The following EIF3H variants were observed in gnomAD, a reference collection of about 807,000 sequenced individuals.
The protein encoded by EIF3H is eIF-3-gamma.
A neutral mutation model predicts 44.2 loss-of-function variants in EIF3H; 26 were observed. The ratio of observed to expected loss-of-function variants is 0.59; its 90% CI spans 0.43 to 0.82. The LOEUF (loss-of-function observed/expected upper bound fraction) is 0.82. Ranked by LOEUF, EIF3H falls within the 40% of genes least tolerant of loss-of-function variation. The pLI, the probability that EIF3H is intolerant of heterozygous loss-of-function variation, is 0.00. For missense variants in EIF3H, 359 were observed against 432.8 expected, an observed-to-expected ratio of 0.83 and a Z score of 1.51; for synonymous variants, 166 against 151.9, an observed-to-expected ratio of 1.09 and a Z score of -0.68.
intron 5 of EIF3H, among the ~76,000 whole-genome samples, chr8:116,649,180 G>GAGCACA (rs1282931880): frequency 6.6e-6 from 1 of 152,146 alleles, no homozygotes; most frequent in African/African-American, 2.4e-5. Context: ...AGGTATGTTA[G>GAGCACA]GGTAGGAACT....
chr8:116,655,309 A>C (rs1383631831), intron 5 of EIF3H, among the ~76,000 whole-genome samples: 1 of 151,098 alleles, frequency 6.6e-6, no homozygotes, highest in East Asian at 1.9e-4. Flanking sequence ...GTCACGGTGG[A>C]GGAAATCGTT....
In EIF3H at chr8:116,752,710, A is replaced by G. The variant is rs891599139; in HGVS notation, c.132+2956T>C. Among the ~76,000 whole-genome samples the G allele has an allele frequency of 2.2e-5, 3 of 137,284 alleles. No homozygotes were observed. In the Admixed American group the frequency reaches 2.2e-4, roughly 10 times the overall value. The allele number at this position is 137,284 out of a possible 152,430, so 90.1% of individuals were successfully genotyped here. A position where few individuals can be genotyped will look rare whatever the true frequency, so the allele number is the denominator to read the frequency against. On this transcript the variant is annotated intron_variant, in intron 1 of 7. Transcript: ENST00000521861. Reference sequence around the variant, plus strand: ...AAAGAAAGAAAGAAAGAAAGAAAGAAAGAAAGAAAGAAAGAAAGAAAGAAG... The same window carrying G: ...AAAGAAAGAAAGAAAGAAAGAAAGAGAGAAAGAAAGAAAGAAAGAAAGAAG...
At chr8:116,756,095 CATT>C, upstream of EIF3H, 2 of 1,254,952 alleles carry the variant, frequency 1.6e-6, no homozygotes, top group Non-Finnish European at 2.2e-6. Flanking sequence ...TTACAGTTCG[CATT>C]ATTTCTGTAG....
At chr8:116,663,289 C>T (rs1293230259) in intron 2 of EIF3H, among the ~76,000 whole-genome samples, 1 of 152,182 alleles carries the variant, frequency 6.6e-6, no homozygotes, top group Non-Finnish European at 1.5e-5. Flanking sequence ...GTGCCAGCTG[C>T]CTACTACTGT....
At chr8:116,750,438 C>G (rs1045511253) in intron 1 of EIF3H, among the ~76,000 whole-genome samples, 2 of 137,844 alleles carry the variant, frequency 1.5e-5, no homozygotes, top group African/African-American at 5.5e-5. Context: ...GAGACGGAGT[C>G]TCGCTCTGTC....
chr8:116,694,187 T>C (rs1458986324), intron 2 of EIF3H, among the ~76,000 whole-genome samples: 1 of 152,112 alleles, frequency 6.6e-6, no homozygotes, highest in Non-Finnish European at 1.5e-5. Context: ...TCACATAGTT[T>C]GTACCAATTT....
intron 2 of EIF3H, among the ~76,000 whole-genome samples, chr8:116,718,199 G>A (rs1057459148): frequency 2.0e-5 from 3 of 151,860 alleles, no homozygotes; most frequent in African/African-American, 7.3e-5. Flanking sequence ...TAGCTAAAAC[G>A]TCCATAATAA....
At chr8:116,732,300 C>T (rs1417240348) in intron 1 of EIF3H, among the ~76,000 whole-genome samples, 1 of 151,996 alleles carries the variant, frequency 6.6e-6, no homozygotes, top group African/African-American at 2.4e-5. Context: ...CAAGTATTCT[C>T]TGTATTATAG....
chr8:116,674,926 T>TA (rs1382897795), intron 2 of EIF3H, among the ~76,000 whole-genome samples: 1 of 152,192 alleles, frequency 6.6e-6, no homozygotes, highest in African/African-American at 2.4e-5. Flanking sequence ...GGTTCTCTGC[T>TA]ACTACAGTGA....
intron 1 of EIF3H, among the ~76,000 whole-genome samples, chr8:116,750,403 C>CT (rs771136977): frequency 0.012 from 1,584 of 129,654 alleles, 31 homozygotes; most frequent in East Asian, 0.038. Flanking sequence ...TTTAGCATGA[C>CT]TTTTTTTTTT....
At chr8:116,752,058 G>A (rs1336468540) in intron 1 of EIF3H, among the ~76,000 whole-genome samples, 1 of 152,174 alleles carries the variant, frequency 6.6e-6, no homozygotes, top group Non-Finnish European at 1.5e-5. Flanking sequence ...AAACATAAAA[G>A]GAAAGGAGTA....
chr8:116,696,988 T>C, intron 2 of EIF3H: 1 of 417,740 alleles, frequency 2.4e-6, no homozygotes, highest in Middle Eastern at 4.7e-4. Context: ...CCTCTCCATA[T>C]TACATGTTAA....
intron 2 of EIF3H, among the ~76,000 whole-genome samples, chr8:116,670,401 C>A (rs1191670499): frequency 6.6e-6 from 1 of 152,166 alleles, no homozygotes; most frequent in Non-Finnish European, 1.5e-5. Context: ...AGGACAAGTA[C>A]AAATGACAGA....
upstream of EIF3H, among the ~76,000 whole-genome samples, chr8:116,760,793 T>C (rs188767899): frequency 7.5e-3 from 1,142 of 152,324 alleles, 20 homozygotes; most frequent in Middle Eastern, 0.024. Flanking sequence ...TGAGTCCTCC[T>C]GCTGCTTAAA....
intron 2 of EIF3H, chr8:116,697,245 A>G (rs1328258330): frequency 4.4e-6 from 2 of 449,958 alleles, no homozygotes. Context: ...GGCCTAGATG[A>G]AATCAGAAGA....
chr8:116,649,408 T>A (rs1813354781), intron 5 of EIF3H, among the ~76,000 whole-genome samples: 1 of 152,214 alleles, frequency 6.6e-6, no homozygotes, highest in Non-Finnish European at 1.5e-5. Context: ...CAAAACATGA[T>A]GAAGAGGCTC....
At chr8:116,669,367 G>A (rs753476598) in intron 2 of EIF3H, among the ~76,000 whole-genome samples, 1 of 152,116 alleles carries the variant, frequency 6.6e-6, no homozygotes, top group Non-Finnish European at 1.5e-5. Context: ...CTTCCAAAGA[G>A]AGGAAATAAG....
At chr8:116,752,692 G>GAA (rs1261353861) in intron 1 of EIF3H, among the ~76,000 whole-genome samples, 1 of 122,250 alleles carries the variant, frequency 8.2e-6, no homozygotes. Context: ...AAGAAAGAAA[G>GAA]AAAGAAAGAA....
At chr8:116,722,030 G>A (rs1030800518) in intron 2 of EIF3H, among the ~76,000 whole-genome samples, 9 of 152,152 alleles carry the variant, frequency 5.9e-5, no homozygotes, top group Admixed American at 5.9e-4. Context: ...CATGAGATTT[G>A]GGAAGAGCCA....
Sources: allele counts gnomAD v4.1 joint callset (sites outside exome capture counted in the v4.1 genomes callset), GRCh38; gene constraint gnomAD v4.1.1; transcripts MANE v1.5; gene names NCBI Gene and HGNC (gene_info 2026-07-23, HGNC 2026-07-21).